LPO: variants seen among roughly 807,000 people sequenced by gnomAD.
LPO encodes the protein lactoperoxidase.
Under a neutral mutation model 68.4 loss-of-function variants are expected in LPO, and 70 were observed. The observed-to-expected ratio is 1.02, with a 90% CI of 0.84 to 1.25. The LOEUF (loss-of-function observed/expected upper bound fraction) is 1.25. LPO is among the 50% of genes most tolerant of loss of function. The pLI, the probability that LPO is intolerant of heterozygous loss-of-function variation, is 0.00. For missense variants in LPO, 873 were observed against 908.4 expected (o/e 0.96, Z 0.50); for synonymous variants, 360 against 357.6 (o/e 1.01, Z -0.08).
At position 58,256,407 on chromosome 17, in the gene LPO, G is replaced by GTTT. The variant is rs34122568; in HGVS notation, c.1266+1448_1266+1450dup. On this transcript the variant is annotated intron_variant, in intron 9 of 12. Coordinates refer to ENST00000262290, the MANE Select transcript of LPO (RefSeq NM_006151.3). ...TCACATGGTAAGTCCATTTTTAGGT[G>GTTT]TTTTTTTTTTTTTTAATTTTTTAAT... 9.4e-3 allele frequency among the ~76,000 whole-genome samples: 1,302 copies of GTTT among 138,674 alleles called. 18 individuals carry two copies. The highest frequency in any genetic ancestry group is 0.032 in the African/African-American group (1,234 of 38,144). The allele number at this position is 138,674 out of a possible 152,430, so 91.0% of individuals were successfully genotyped here.
chr17:58,247,609 G>A lies in LPO; in HGVS notation c.296G>A (p.Arg99Lys). 6.2e-7 allele frequency: 1 copy of A among 1,614,106 alleles called. No individual in the cohort carries two copies. The highest frequency in any genetic ancestry group is 1.3e-5 in the African/African-American group (1 of 75,030). Reference sequence around the variant, plus strand: ...TGGGAGGAGTCTTTAAAGAGACTGAGGCAGAAGGCATCCTTGACCAATGTC... The same window carrying A: ...TGGGAGGAGTCTTTAAAGAGACTGAAGCAGAAGGCATCCTTGACCAATGTC... ...QVWEESLKRLRQKASLTNVTD... is the reference protein window; with the variant it reads ...QVWEESLKRLKQKASLTNVTD... Residue 99 changes from arginine (R) to lysine (K), a missense_variant, in exon 4 of 13, where the codon AGG becomes AAG. Coordinates refer to ENST00000262290, the MANE Select transcript of LPO (RefSeq NM_006151.3).
intron 11 of LPO, 142 bp downstream of exon 11, chr17:58,266,468 G>T (rs1970269358): frequency 3.7e-6 from 3 of 820,694 alleles, no homozygotes; most frequent in Admixed American, 3.3e-5. Context: ...TTTGTTTGAG[G>T]TTTTTTTTTT....
chr17:58,247,330 C>T, intron 3 of LPO, 148 bp from the exon 4 acceptor site: 1 of 609,842 alleles, frequency 1.6e-6, no homozygotes, highest in Admixed American at 3.1e-5. Flanking sequence ...ATTTAAATAG[C>T]CACATGTGGT....
intron 2 of LPO, 192 bp from the exon 3 acceptor site, chr17:58,243,802 C>T: frequency 1.7e-6 from 1 of 599,208 alleles, no homozygotes. Context: ...TGTTGAAGAT[C>T]CAAGAGTATT....
rs1021578735 is a variant in LPO at position 58,267,490 on chromosome 17, G to A, written c.1835G>A (p.Gly612Glu). Residue 612 changes from glycine (G) to glutamate (E), a missense_variant, in exon 12 of 13, where the codon GGG becomes GAG. Gly to Glu is a moderately conservative substitution (Grantham distance 98). Transcript: ENST00000262290. The stretch of plus-strand genomic sequence containing the variant: ...CCTGACAACATCGACATCTGGATAG[G>A]GGCCATTGCTGAGCCGCTGGTGGAA... ...GTPDNIDIWI[G>E]AIAEPLVERG... 5.6e-6 allele frequency: 9 copies of A among 1,614,188 alleles called. 1 individual carries two copies. The highest frequency in any genetic ancestry group is 5.1e-6 in the Non-Finnish European group (6 of 1,180,030).
At chr17:58,267,633 A>C (rs748547493) in intron 12 of LPO, 47 bp downstream of exon 12, 3 of 1,542,498 alleles carry the variant, frequency 1.9e-6, no homozygotes, top group Non-Finnish European at 2.6e-6. Flanking sequence ...CCCTTCTCCA[A>C]GAGGGGTGTC....
At chr17:58,248,204 G>A (rs1445978903) in intron 4 of LPO, among the ~76,000 whole-genome samples, 1 of 152,186 alleles carries the variant, frequency 6.6e-6, no homozygotes, top group Non-Finnish European at 1.5e-5. Context: ...TGAGGAAGGG[G>A]TTTGGTCCTG....
intron 1 of LPO, among the ~76,000 whole-genome samples, chr17:58,241,125 CTTTTTTT>C (rs1161572564): frequency 0.05 from 4,598 of 91,398 alleles, 82 homozygotes; most frequent in South Asian, 0.14. Flanking sequence ...TTTCTTTTTT[CTTTTTTT>C]TTTTTTTTTT....
In LPO at chr17:58,261,771, C is replaced by G. The variant is rs1385311542; in HGVS notation, c.1267-2951C>G. On this transcript the variant is annotated intron_variant, in intron 9 of 12. Transcript: ENST00000262290. ...CATTTTTTAGAGGTCCATTTGATCA[C>G]ATATTGCTTTGTATAATTTTCTTAG... Among the ~76,000 whole-genome samples the G allele has an allele frequency of 2.0e-5, 3 of 152,196 alleles. No individual in the cohort carries two copies. In the East Asian group the frequency reaches 5.8e-4, roughly 29 times the overall value.
At chr17:58,264,530 G>GA (rs534702374) in intron 9 of LPO, among the ~76,000 whole-genome samples, 192 bp from the exon 10 acceptor site, 359 of 152,260 alleles carry the variant, frequency 2.4e-3, no homozygotes, top group African/African-American at 7.1e-3. Flanking sequence ...GAGATCAGCA[G>GA]AAAAAAATGT....
chr17:58,248,178 A>G (rs8178324), intron 4 of LPO, among the ~76,000 whole-genome samples: 30 of 152,262 alleles, frequency 2.0e-4, no homozygotes, highest in African/African-American at 7.2e-4. Flanking sequence ...CAAATGCCAC[A>G]GCCCACAGAG....
chr17:58,243,343 C>G, intron 2 of LPO: 1 of 377,980 alleles, frequency 2.6e-6, no homozygotes, highest in Admixed American at 4.3e-5. Context: ...GTCCTCTCCT[C>G]TTCTCATAAA....
At chr17:58,244,677 A>G (rs957875659) in intron 3 of LPO, among the ~76,000 whole-genome samples, 1 of 152,238 alleles carries the variant, frequency 6.6e-6, no homozygotes, top group Non-Finnish European at 1.5e-5. Flanking sequence ...ATCTGCCCAC[A>G]TCAGTCAGAC....
rs1969976288 is a variant in LPO, at chr17:58,252,375, G to A, written c.974G>A (p.Ser325Asn). The A allele has an allele frequency of 6.2e-7, 1 of 1,614,140 alleles. No homozygotes were observed. The highest frequency in any genetic ancestry group is 8.5e-7 in the Non-Finnish European group (1 of 1,180,028). ...GCCAGCCGCCTCCGCAACCTCAGCA[G>A]CCCCCTGGGCCTCATGGCTGTCAAC... The part of the protein sequence containing the change: ...SLASRLRNLS[S>N]PLGLMAVNQE... Residue 325 changes from serine to asparagine, a missense_variant, in exon 8 of 13, where the codon AGC becomes AAC. Ser to Asn is a conservative substitution (Grantham distance 46). Coordinates refer to ENST00000262290, the MANE Select transcript of LPO (RefSeq NM_006151.3).
chr17:58,267,367 C>T lies in LPO; in HGVS notation c.1712C>T (p.Ala571Val), dbSNP rs1970287941. Residue 571 changes from alanine (A) to valine (V), a missense_variant, in exon 12 of 13, where the codon GCC (alanine) becomes GTC (valine). Coordinates refer to ENST00000262290, the MANE Select transcript of LPO (RefSeq NM_006151.3). ...HGQPGYNSWR[A>V]FCDLSQPQTL... ...ACCCTAGGGTACAATTCCTGGAGAG[C>T]CTTCTGTGACCTCTCACAGCCGCAG... The T allele has an allele frequency of 1.9e-6, 3 of 1,613,956 alleles. No homozygotes were observed. Among genetic ancestry groups the T allele is most frequent in the African/African-American group, 1.3e-5 (1 of 74,926 alleles).
intron 7 of LPO, chr17:58,251,663 T>A (rs572866370): frequency 2.8e-6 from 1 of 353,594 alleles, no homozygotes; most frequent in Non-Finnish European, 5.6e-6. Flanking sequence ...GAATCCTACA[T>A]CTTTCCCTTC....
At chr17:58,248,504 C>G (rs1041641350) in intron 4 of LPO, among the ~76,000 whole-genome samples, 2 of 152,064 alleles carry the variant, frequency 1.3e-5, no homozygotes, top group Non-Finnish European at 1.5e-5. Flanking sequence ...GCATCTCTCT[C>G]CACTCTGTGC....
In LPO at chr17:58,250,666, C is replaced by T. The variant is rs769362403; in HGVS notation, c.780+45C>T. On this transcript the variant is annotated intron_variant, in intron 7 of 12. Transcript: ENST00000262290. ...CATCTCTGACTAGCCCCTTGCCCAC[C>T]CTGATGTAGCAGACATTCCCAGCTC... The T allele has an allele frequency of 8.9e-6, 14 of 1,577,382 alleles. No homozygotes were observed. The South Asian group carries it at 1.2e-4, about 14-fold the overall frequency.
chr17:58,256,679 TG>T (rs1444340896), intron 9 of LPO, among the ~76,000 whole-genome samples: 1 of 151,838 alleles, frequency 6.6e-6, no homozygotes, highest in Non-Finnish European at 1.5e-5. Flanking sequence ...CTGGGTGTGG[TG>T]GCATGCGCCT....
Sources: allele counts gnomAD v4.1 joint callset (sites outside exome capture counted in the v4.1 genomes callset), GRCh38; gene constraint gnomAD v4.1.1; transcripts MANE v1.5; gene names NCBI Gene and HGNC (gene_info 2026-07-23, HGNC 2026-07-21).